IQCK: variants seen among roughly 807,000 people sequenced by gnomAD.
IQCK encodes IQ domain-containing protein K.
IQCK carries 29 observed loss-of-function variants against 28.1 expected under a neutral mutation model. The ratio of observed to expected loss-of-function variants is 1.03; its 90% CI spans 0.77 to 1.41. The LOEUF (loss-of-function observed/expected upper bound fraction) is 1.41. IQCK is among the 40% of genes most tolerant of loss of function. The pLI, the probability that IQCK is intolerant of heterozygous loss-of-function variation, is 0.00. For synonymous variants in IQCK, 113 were observed against 115.1 expected (o/e 0.98, Z 0.12); for missense variants, 359 against 314.7 (o/e 1.14, Z -1.07).
chr16:19,744,859 A>G (rs1027940464), intron 4 of IQCK, among the ~76,000 whole-genome samples: 2 of 152,236 alleles, frequency 1.3e-5, no homozygotes, highest in African/African-American at 4.8e-5. Context: ...CTTTGTACAA[A>G]TAGCTGGTGG....
At chr16:19,809,977 GGGC>G (rs1370209483) in intron 7 of IQCK, among the ~76,000 whole-genome samples, 1 of 152,150 alleles carries the variant, frequency 6.6e-6, no homozygotes, top group Non-Finnish European at 1.5e-5. Context: ...AGAAACACCA[GGGC>G]GGCGATAACA....
At chr16:19,815,763 C>T (rs925410986) in intron 7 of IQCK, among the ~76,000 whole-genome samples, 3 of 152,080 alleles carry the variant, frequency 2.0e-5, no homozygotes, top group African/African-American at 7.2e-5. Context: ...TTTCATTTTG[C>T]CAAAGATCTA....
At chr16:19,808,984 A>C (rs576894934) in intron 7 of IQCK, among the ~76,000 whole-genome samples, 3 of 152,142 alleles carry the variant, frequency 2.0e-5, no homozygotes, top group South Asian at 2.1e-4. Flanking sequence ...CAGCCTCCCA[A>C]GTAGCCTGGA....
chr16:19,856,085 C>T (rs1352986076), intron 9 of IQCK, among the ~76,000 whole-genome samples: 1 of 152,052 alleles, frequency 6.6e-6, no homozygotes, highest in Non-Finnish European at 1.5e-5. Context: ...TGCATTGCCC[C>T]CAGTGATACC....
At chr16:19,837,918 C>T (rs1435237752) in intron 9 of IQCK, among the ~76,000 whole-genome samples, 1 of 152,228 alleles carries the variant, frequency 6.6e-6, no homozygotes, top group Non-Finnish European at 1.5e-5. Context: ...GCTCTTCTCA[C>T]TAATGCAGTT....
intron 6 of IQCK, among the ~76,000 whole-genome samples, chr16:19,784,618 C>G (rs1042437167): frequency 6.6e-6 from 1 of 152,166 alleles, no homozygotes; most frequent in African/African-American, 2.4e-5. Flanking sequence ...GGACCAGTGT[C>G]TACTCTTGTG....
At chr16:19,843,043 G>A (rs1026074177) in intron 9 of IQCK, among the ~76,000 whole-genome samples, 3 of 151,690 alleles carry the variant, frequency 2.0e-5, no homozygotes, top group African/African-American at 7.2e-5. Context: ...GCTGGCATTT[G>A]TTTTAACAGA....
chr16:19,829,458 T>G (rs2056201123), downstream of IQCK, among the ~76,000 whole-genome samples: 2 of 151,878 alleles, frequency 1.3e-5, no homozygotes, highest in South Asian at 4.1e-4. Flanking sequence ...TGCCTCAGCC[T>G]CCCAAGTAGC....
intron 9 of IQCK, among the ~76,000 whole-genome samples, chr16:19,852,777 C>T (rs1369769340): frequency 6.6e-6 from 1 of 152,044 alleles, no homozygotes; most frequent in Admixed American, 6.6e-5. Context: ...TGCCCGCCAC[C>T]ATGCCCGGCT....
downstream of IQCK, among the ~76,000 whole-genome samples, chr16:19,829,283 T>C (rs1387703268): frequency 6.6e-6 from 1 of 151,484 alleles, no homozygotes; most frequent in Non-Finnish European, 1.5e-5. Context: ...GTCTCTTTTC[T>C]GCTCTTACAA....
At chr16:19,841,457 T>C (rs1027448437) in intron 9 of IQCK, among the ~76,000 whole-genome samples, 2 of 152,304 alleles carry the variant, frequency 1.3e-5, no homozygotes, top group Non-Finnish European at 1.5e-5. Context: ...GTCCTAGGCT[T>C]AGAGTCCCAA....
At chr16:19,735,374 A>G in exon 4 of IQCK, 1 of 1,613,836 alleles carries the variant, frequency 6.2e-7, no homozygotes, top group Non-Finnish European at 8.5e-7. Flanking sequence ...GAATATTTGG[A>G]AACTTTCATC....
chr16:19,827,917 C>CTT (rs879855746), downstream of IQCK, among the ~76,000 whole-genome samples: 2 of 146,444 alleles, frequency 1.4e-5, no homozygotes, highest in African/African-American at 2.5e-5. Flanking sequence ...CCGATATCTT[C>CTT]TTTTTTTTTT....
intron 7 of IQCK, among the ~76,000 whole-genome samples, chr16:19,823,801 T>C (rs1186827747): frequency 6.6e-6 from 1 of 152,014 alleles, no homozygotes; most frequent in Non-Finnish European, 1.5e-5. Context: ...GATGGGGTGG[T>C]GCATGCCTGT....
At chr16:19,752,878 A>G (rs1394869154) in intron 4 of IQCK, among the ~76,000 whole-genome samples, 2 of 152,160 alleles carry the variant, frequency 1.3e-5, no homozygotes, top group African/African-American at 4.8e-5. Flanking sequence ...TAAAAAATGT[A>G]GACAAGAGGC....
At chr16:19,775,823 C>T (rs948487487) in intron 6 of IQCK, among the ~76,000 whole-genome samples, 2 of 137,398 alleles carry the variant, frequency 1.5e-5, no homozygotes, top group African/African-American at 2.8e-5. Context: ...TAAAGGAACA[C>T]GTGGATATTG....
intron 2 of IQCK, among the ~76,000 whole-genome samples, chr16:19,733,455 G>C (rs914397094): frequency 6.6e-6 from 1 of 151,888 alleles, no homozygotes; most frequent in Non-Finnish European, 1.5e-5. Flanking sequence ...CTTCATCCCT[G>C]GTGTTTTGGA....
intron 7 of IQCK, among the ~76,000 whole-genome samples, chr16:19,803,556 A>C (rs1483356284): frequency 6.6e-6 from 1 of 152,218 alleles, no homozygotes; most frequent in Non-Finnish European, 1.5e-5. Context: ...ATTCAGGAGA[A>C]ATCACTGAAT....
At chr16:19,730,408 A>AT (rs749236663) in intron 1 of IQCK, 22 bp from the exon 2 acceptor site, 82 of 1,565,014 alleles carry the variant, frequency 5.2e-5, no homozygotes, top group East Asian at 1.6e-4. Flanking sequence ...GGAATTGAGG[A>AT]TTTTTTTTCC....
Sources: gnomAD v4.1 joint callset for allele counts (sites outside exome capture counted in the v4.1 genomes callset) on GRCh38, gnomAD v4.1.1 for gene constraint, MANE v1.5 for transcripts, NCBI Gene and HGNC (gene_info 2026-07-23, HGNC 2026-07-21) for gene names.